The following RABGEF1 variants were observed in gnomAD, a reference collection of about 807,000 sequenced individuals.
The protein encoded by RABGEF1 is rab5 GDP/GTP exchange factor.
A neutral mutation model predicts 57.3 loss-of-function variants in RABGEF1; 26 were observed. That is an observed-to-expected ratio of 0.45 (90% CI 0.33 to 0.63). RABGEF1 has a LOEUF of 0.63. Ranked by LOEUF, RABGEF1 falls within the 20% of genes least tolerant of loss-of-function variation. The pLI is 0.02. For synonymous variants in RABGEF1, 185 were observed against 210.7 expected (o/e 0.88, Z 1.06); for missense variants, 464 against 607.6 (o/e 0.76, Z 2.48).
intron 1 of RABGEF1, among the ~76,000 whole-genome samples, chr7:66,703,123 G>A (rs1318584629): frequency 1.3e-5 from 2 of 152,050 alleles, no homozygotes; most frequent in Non-Finnish European, 2.9e-5. Flanking sequence ...ATAGGCGCCC[G>A]CTACCATGCC....
intron 1 of RABGEF1, among the ~76,000 whole-genome samples, chr7:66,682,864 G>A (rs1789990851): frequency 6.6e-6 from 1 of 152,206 alleles, no homozygotes; most frequent in Non-Finnish European, 1.5e-5. Context: ...TTTCCGAACC[G>A]TCTGGGAGGA....
intron 3 of RABGEF1, 89 bp downstream of exon 3, chr7:66,775,482 C>A (rs767799264): frequency 6.8e-7 from 1 of 1,480,376 alleles, no homozygotes; most frequent in East Asian, 2.3e-5. Context: ...TTTGTAATTT[C>A]TGTCAACTTT....
At chr7:66,738,574 C>A (rs571091594), upstream of RABGEF1, among the ~76,000 whole-genome samples, 191 of 151,710 alleles carry the variant, frequency 1.3e-3, 1 homozygote, top group Non-Finnish European at 2.1e-3. Context: ...TACAAAAAAA[C>A]CCCAAAAACT....
chr7:66,683,727 C>CTTATTTAT (rs10583686), intron 1 of RABGEF1, among the ~76,000 whole-genome samples: 15,393 of 149,350 alleles, frequency 0.1, 1,046 homozygotes, highest in East Asian at 0.25. Context: ...CAAGGAGGTG[C>CTTATTTAT]TTATTTATTT....
upstream of RABGEF1, among the ~76,000 whole-genome samples, chr7:66,681,525 A>G (rs566171674): frequency 5.9e-4 from 89 of 151,310 alleles, no homozygotes; most frequent in East Asian, 3.3e-3. Flanking sequence ...CAGCCTCCCC[A>G]GTAGTTGGGA....
chr7:66,756,117 C>A, intron 1 of RABGEF1: 2 of 1,259,856 alleles, frequency 1.6e-6, no homozygotes, highest in Non-Finnish European at 2.1e-6. Flanking sequence ...ATCTATAAAT[C>A]AAAAGAAAAT....
At position 66,810,158 on chromosome 7, in the gene RABGEF1, A is replaced by C. The variant is rs978599523; in HGVS notation, c.*874A>C. 2 of 152,200 alleles carry C rather than the reference A, an allele frequency of 1.3e-5. No homozygotes were observed. The highest frequency in any genetic ancestry group is 2.9e-5 in the Non-Finnish European group (2 of 68,044). The allele number at this position is 152,200 out of a possible 1,614,324, so 9.4% of individuals were successfully genotyped here. On this transcript the variant is annotated 3_prime_UTR_variant, in exon 9 of 9. Transcript: ENST00000284957. Reference sequence around the variant, plus strand: ...AATGGGCCTCTGATGGTGAGAGGTGACGGGGTCCCTCAGCTGTGAGATGCA... The same window carrying C: ...AATGGGCCTCTGATGGTGAGAGGTGCCGGGGTCCCTCAGCTGTGAGATGCA...
At chr7:66,656,537 T>C in the RABGEF1 span, among the ~76,000 whole-genome samples, 28 of 152,206 alleles carry the variant, frequency 1.8e-4, no homozygotes, top group East Asian at 5.4e-3. Context: ...AATGGGTCTC[T>C]CTGGCTGGGC....
the RABGEF1 span, among the ~76,000 whole-genome samples, chr7:66,655,910 C>T: frequency 1.3e-5 from 2 of 152,172 alleles, no homozygotes; most frequent in African/African-American, 4.8e-5. Context: ...AGTCAAGATA[C>T]TTTCAAAACA....
chr7:66,682,060 C>G (rs1236566649), upstream of RABGEF1: 1 of 167,120 alleles, frequency 6.0e-6, no homozygotes, highest in Non-Finnish European at 1.5e-5. Context: ...GCCAAAGGCC[C>G]CGGAAGTGAT....
chr7:66,728,584 A>T (rs921662096), intron 2 of RABGEF1, among the ~76,000 whole-genome samples: 1 of 152,052 alleles, frequency 6.6e-6, no homozygotes, highest in African/African-American at 2.4e-5. Flanking sequence ...CTCCATCCTT[A>T]TCTCCACCTC....
In RABGEF1 at chr7:66,761,737, C is replaced by G. The variant is rs529214307; in HGVS notation, c.-17-10146C>G. On this transcript the variant is annotated intron_variant, in intron 1 of 8. Coordinates refer to ENST00000284957, the MANE Select transcript of RABGEF1 (RefSeq NM_014504.3). ...GGAGAAAGAGAGGCTGCCCATGAAGCCTAACACACCCAGCCTTTTAACAAA... is the reference window on the plus strand; with the variant it reads ...GGAGAAAGAGAGGCTGCCCATGAAGGCTAACACACCCAGCCTTTTAACAAA... 5.3e-5 allele frequency among the ~76,000 whole-genome samples: 8 copies of G among 152,224 alleles called. No homozygotes were observed. In the South Asian group the frequency reaches 1.5e-3, roughly 28 times the overall value.
chr7:66,687,483 CA>C (rs67647811), intron 1 of RABGEF1, among the ~76,000 whole-genome samples: 3,172 of 120,782 alleles, frequency 0.026, 134 homozygotes, highest in East Asian at 0.15. Context: ...TTGTTTAAGC[CA>C]AAAAAAAAAA....
rs35510019 is a variant in RABGEF1, at chr7:66,700,487, C to CGGAGGGGGAGGAGGCTAGTTGGGG, written c.-872-11669_-872-11668insAGGCTAGTTGGGGGGAGGGGGAGG. Among the ~76,000 whole-genome samples the CGGAGGGGGAGGAGGCTAGTTGGGG allele has an allele frequency of 4.4e-5, 6 of 137,300 alleles. No individual in the cohort carries two copies. In the East Asian group the frequency reaches 1.4e-3, roughly 32 times the overall value. 90.1% of individuals were successfully genotyped at this position (137,300 alleles called of 152,430 possible). ...AAGGGACTGAGGGCCAAGCGGGCCC[C>CGGAGGGGGAGGAGGCTAGTTGGGG]GGAGGGGGAGGTAGGGGAGGGGAAA... is the stretch of plus-strand genomic sequence containing the variant. On this transcript the variant is annotated intron_variant and NMD_transcript_variant, in intron 1 of 9. Transcript: ENST00000607882.
At chr7:66,774,019 T>G (rs1026467959) in intron 2 of RABGEF1, 3 of 306,544 alleles carry the variant, frequency 9.8e-6, no homozygotes, top group African/African-American at 2.2e-5. Flanking sequence ...AAAGCCAAAT[T>G]TATTGCTTTT....
At chr7:66,655,593 C>G in the RABGEF1 span, among the ~76,000 whole-genome samples, 1 of 152,164 alleles carries the variant, frequency 6.6e-6, no homozygotes, top group Non-Finnish European at 1.5e-5. Flanking sequence ...AGGTGTCAAA[C>G]TCCTGGCCTT....
intron 7 of RABGEF1, among the ~76,000 whole-genome samples, chr7:66,802,808 C>T (rs1787590460): frequency 6.6e-6 from 1 of 152,182 alleles, no homozygotes; most frequent in African/African-American, 2.4e-5. Flanking sequence ...TGCCTTATGG[C>T]AATAGCAGCC....
chr7:66,733,286 T>C (rs1187531035), intron 2 of RABGEF1, among the ~76,000 whole-genome samples: 1 of 152,176 alleles, frequency 6.6e-6, no homozygotes, highest in African/African-American at 2.4e-5. Flanking sequence ...CTGGGGGAGT[T>C]GACCACCCCC....
At chr7:66,749,642 C>G (rs1216892641) in intron 1 of RABGEF1, among the ~76,000 whole-genome samples, 1 of 152,070 alleles carries the variant, frequency 6.6e-6, no homozygotes, top group Non-Finnish European at 1.5e-5. Context: ...CCACTACACT[C>G]TAGCCTGGGC....
Sources: gnomAD v4.1 joint callset for allele counts (sites outside exome capture counted in the v4.1 genomes callset) on GRCh38, gnomAD v4.1.1 for gene constraint, MANE v1.5 for transcripts, NCBI Gene and HGNC (gene_info 2026-07-23, HGNC 2026-07-21) for gene names.